The following TMEM132B variants were observed in gnomAD, a reference collection of about 807,000 sequenced individuals.
TMEM132B encodes the protein transmembrane protein 132B.
Under a neutral mutation model 90.8 loss-of-function variants are expected in TMEM132B, and 18 were observed. That is an observed-to-expected ratio of 0.20 (90% CI 0.14 to 0.29). The LOEUF (loss-of-function observed/expected upper bound fraction) is 0.29. Among genes scored for constraint, TMEM132B ranks in the 10% least tolerant of loss-of-function variants. TMEM132B has a pLI of 1.00. For synonymous variants in TMEM132B, 504 were observed against 523.3 expected, an observed-to-expected ratio of 0.96 and a Z score of 0.50; for missense variants, 1,096 against 1,326.8, an observed-to-expected ratio of 0.83 and a Z score of 2.70.
At chr12:125,555,409 G>C (rs1232366552) in intron 4 of TMEM132B, among the ~76,000 whole-genome samples, 1 of 151,452 alleles carries the variant, frequency 6.6e-6, no homozygotes, top group African/African-American at 2.4e-5. Context: ...TAAGATTCTT[G>C]AGAATCAGTC....
At chr12:125,477,994 CA>C (rs950345025) in intron 3 of TMEM132B, among the ~76,000 whole-genome samples, 1 of 152,206 alleles carries the variant, frequency 6.6e-6, no homozygotes, top group Non-Finnish European at 1.5e-5. Context: ...GGACCTCCAG[CA>C]AACTCCAACA....
intron 3 of TMEM132B, among the ~76,000 whole-genome samples, chr12:125,427,669 G>A (rs1431145380): frequency 6.6e-6 from 1 of 152,194 alleles, no homozygotes; most frequent in African/African-American, 2.4e-5. Flanking sequence ...ACAGGATGCT[G>A]GGCCTTAATC....
At chr12:125,519,155 C>T (rs1592970439) in intron 3 of TMEM132B, among the ~76,000 whole-genome samples, 2 of 152,118 alleles carry the variant, frequency 1.3e-5, no homozygotes, top group African/African-American at 2.4e-5. Flanking sequence ...GAGAGCTGTG[C>T]GTGGCATGCG....
intron 2 of TMEM132B, among the ~76,000 whole-genome samples, chr12:125,351,990 C>T (rs549345612): frequency 6.6e-6 from 1 of 152,174 alleles, no homozygotes; most frequent in Non-Finnish European, 1.5e-5. Context: ...TCTAGCACCC[C>T]CTATTGACAG....
chr12:125,317,798 C>G (rs1421470552), intron 1 of TMEM132B, among the ~76,000 whole-genome samples: 1 of 152,168 alleles, frequency 6.6e-6, no homozygotes, highest in Non-Finnish European at 1.5e-5. Context: ...CTCAGTGGTT[C>G]TCTTCATCAT....
intron 3 of TMEM132B, among the ~76,000 whole-genome samples, chr12:125,419,065 C>T: frequency 6.6e-6 from 1 of 152,120 alleles, no homozygotes; most frequent in East Asian, 1.9e-4. Flanking sequence ...AAATAAACCG[C>T]AACTTTTTAT....
chr12:125,339,335 C>T (rs542974163), intron 1 of TMEM132B, among the ~76,000 whole-genome samples: 18 of 146,302 alleles, frequency 1.2e-4, no homozygotes, highest in African/African-American at 3.3e-4. Flanking sequence ...TGTAGATGGC[C>T]GCCTGCCTTC....
intron 4 of TMEM132B, among the ~76,000 whole-genome samples, chr12:125,570,380 C>T (rs114969402): frequency 0.015 from 2,342 of 152,298 alleles, 65 homozygotes; most frequent in African/African-American, 0.054. Context: ...TTAAGCAGCA[C>T]TTACCACCTC....
chr12:125,537,582 A>AT (rs1883841648), intron 4 of TMEM132B, among the ~76,000 whole-genome samples: 1 of 152,184 alleles, frequency 6.6e-6, no homozygotes, highest in Admixed American at 6.5e-5. Flanking sequence ...TTCGAGAGAT[A>AT]TTGATTGATG....
chr12:125,447,484 C>T (rs1417458025), intron 3 of TMEM132B, among the ~76,000 whole-genome samples: 1 of 152,122 alleles, frequency 6.6e-6, no homozygotes, highest in Non-Finnish European at 1.5e-5. Flanking sequence ...ATTTATCATG[C>T]TCTGTATACG....
intron 1 of TMEM132B, among the ~76,000 whole-genome samples, chr12:125,233,771 C>T (rs534530549): frequency 1.3e-5 from 2 of 152,196 alleles, no homozygotes; most frequent in African/African-American, 4.8e-5. Flanking sequence ...GGATGCAGAG[C>T]TTCTCAGCCA....
intron 3 of TMEM132B, among the ~76,000 whole-genome samples, chr12:125,511,605 CTT>C (rs1025718679): frequency 6.6e-6 from 1 of 151,746 alleles, no homozygotes; most frequent in Non-Finnish European, 1.5e-5. Context: ...AATCCCAGCG[CTT>C]TTTGGGAGGC....
At chr12:125,598,354 A>G (rs1885492341) in intron 5 of TMEM132B, among the ~76,000 whole-genome samples, 1 of 152,218 alleles carries the variant, frequency 6.6e-6, no homozygotes, top group Non-Finnish European at 1.5e-5. Flanking sequence ...GGAATCATTG[A>G]AAAATTAACC....
chr12:125,500,751 C>G (rs964296803), intron 3 of TMEM132B, among the ~76,000 whole-genome samples: 8 of 152,100 alleles, frequency 5.3e-5, no homozygotes, highest in Non-Finnish European at 1.0e-4. Flanking sequence ...TGTCCTAACT[C>G]CAGGTAGCAG....
At chr12:125,237,175 A>G (rs1873955456) in intron 1 of TMEM132B, among the ~76,000 whole-genome samples, 1 of 152,198 alleles carries the variant, frequency 6.6e-6, no homozygotes. Flanking sequence ...GAGAGAGCCC[A>G]GGTAGAGAGA....
At position 125,349,349 on chromosome 12, in the gene TMEM132B, G is replaced by A; in HGVS notation, c.68-103G>A. On this transcript the variant is annotated intron_variant, in intron 1 of 8. Transcript: ENST00000682704. This position sits in a 1 kb window ranked among gnomAD's most constrained non-coding sequence, Gnocchi z 4.1. ...GATGAGACCTGGGGGAGAAACAGTG[G>A]CCAGTGGGCGGTTTGTTGGGGAGGT... The A allele has an allele frequency of 7.9e-7, 1 of 1,273,838 alleles. No homozygotes were observed. Among genetic ancestry groups the A allele is most frequent in the South Asian group, 1.5e-5 (1 of 66,530 alleles). The allele number at this position is 1,273,838 out of a possible 1,614,324, so 78.9% of individuals were successfully genotyped here.
rs1874312206 is a variant in TMEM132B, at chr12:125,251,278, TGAACCAGCCA to T, written c.67+64414_67+64423del. Among the ~76,000 whole-genome samples, 2 of 152,236 alleles carry T rather than the reference TGAACCAGCCA, an allele frequency of 1.3e-5. No homozygotes were observed. Among genetic ancestry groups the T allele is most frequent in the Admixed American group, 1.3e-4 (2 of 15,292 alleles). On this transcript the variant is annotated intron_variant, in intron 1 of 8. Transcript: ENST00000682704. This position sits in a 1 kb window ranked among gnomAD's most constrained non-coding sequence, Gnocchi z 4.4. ...ATCAAAAACTATCATTAATTTGGGC[TGAACCAGCCA>T]GTTTTAAACATTCAATATTAAATAC...
chr12:125,202,064 A>G (rs552749269), intron 1 of TMEM132B, among the ~76,000 whole-genome samples: 79 of 152,136 alleles, frequency 5.2e-4, no homozygotes, highest in African/African-American at 1.9e-3. Context: ...TCCCCCTCCC[A>G]TGGGCCAGTT....
At chr12:125,352,810 T>C (rs189701419) in intron 2 of TMEM132B, among the ~76,000 whole-genome samples, 54 of 152,344 alleles carry the variant, frequency 3.5e-4, no homozygotes, top group African/African-American at 1.2e-3. Context: ...GTTGTGCTTA[T>C]TCAGATGCCC....
Sources: gnomAD v4.1 joint callset for allele counts (sites outside exome capture counted in the v4.1 genomes callset) on GRCh38, gnomAD v4.1.1 for gene constraint, Gnocchi (gnomAD v3.1) non-coding constraint, MANE v1.5 for transcripts, NCBI Gene and HGNC (gene_info 2026-07-23, HGNC 2026-07-21) for gene names.